SH3GL2: variants seen among roughly 807,000 people sequenced by gnomAD.
SH3GL2 encodes the protein endophilin-A1.
In SH3GL2, 24 loss-of-function variants were observed where a neutral mutation model predicts 46.0. That is an observed-to-expected ratio of 0.52 (90% CI 0.38 to 0.73). The LOEUF is 0.73. Ranked by LOEUF, SH3GL2 falls within the 30% of genes least tolerant of loss-of-function variation. SH3GL2 has a pLI of 0.00. For missense variants in SH3GL2, 413 were observed against 424.2 expected (o/e 0.97, Z 0.23); for synonymous variants, 196 against 147.1 (o/e 1.33, Z -2.40).
chr9:17,645,471 G>A (rs561387080), intron 1 of SH3GL2, among the ~76,000 whole-genome samples: 1 of 152,142 alleles, frequency 6.6e-6, no homozygotes, highest in East Asian at 1.9e-4. Flanking sequence ...TAATGTTGAC[G>A]TTCTTTACAA....
chr9:17,791,979 C>A (rs985000737), intron 7 of SH3GL2, among the ~76,000 whole-genome samples: 1 of 152,224 alleles, frequency 6.6e-6, no homozygotes, highest in Non-Finnish European at 1.5e-5. Context: ...TGGCTATATA[C>A]CAGTGGCCCT....
intron 8 of SH3GL2, among the ~76,000 whole-genome samples, chr9:17,794,172 A>T (rs1385223639): frequency 6.6e-6 from 1 of 152,126 alleles, no homozygotes; most frequent in Non-Finnish European, 1.5e-5. Context: ...ACCTTGTCAC[A>T]CTTGCTCTCC....
At chr9:17,580,056 A>G (rs1357096731) in intron 1 of SH3GL2, among the ~76,000 whole-genome samples, 3 of 152,204 alleles carry the variant, frequency 2.0e-5, no homozygotes, top group Admixed American at 1.3e-4. Flanking sequence ...ATAAGCTGTG[A>G]CTGTAATAAA....
At chr9:17,777,841 A>G (rs1026788201) in intron 3 of SH3GL2, among the ~76,000 whole-genome samples, 2 of 152,054 alleles carry the variant, frequency 1.3e-5, no homozygotes, top group African/African-American at 2.4e-5. Flanking sequence ...TCAGCATATG[A>G]ATTTGGGGAG....
At chr9:17,587,407 G>T (rs1279763206) in intron 1 of SH3GL2, among the ~76,000 whole-genome samples, 1 of 152,104 alleles carries the variant, frequency 6.6e-6, no homozygotes, top group East Asian at 1.9e-4. Flanking sequence ...AAGAACTCTT[G>T]TTCTTTCTTA....
intron 1 of SH3GL2, among the ~76,000 whole-genome samples, chr9:17,715,638 A>G (rs1420348731): frequency 6.6e-6 from 1 of 151,804 alleles, no homozygotes; most frequent in African/African-American, 2.4e-5. Flanking sequence ...CAGACATTGT[A>G]TTTTTTTATG....
chr9:17,582,186 G>A (rs146812561), intron 1 of SH3GL2, among the ~76,000 whole-genome samples: 93 of 152,256 alleles, frequency 6.1e-4, no homozygotes, highest in African/African-American at 2.2e-3. Context: ...TTTTCAATAT[G>A]TTTACAATTT....
intron 1 of SH3GL2, among the ~76,000 whole-genome samples, chr9:17,601,285 C>T (rs545310078): frequency 6.6e-6 from 1 of 151,902 alleles, no homozygotes; most frequent in African/African-American, 2.4e-5. Flanking sequence ...GGACATACAG[C>T]AAGATGGGTG....
chr9:17,614,096 C>T (rs1000565095), intron 1 of SH3GL2, among the ~76,000 whole-genome samples: 2 of 151,876 alleles, frequency 1.3e-5, no homozygotes, highest in Non-Finnish European at 2.9e-5. Flanking sequence ...ATCTTTTCAA[C>T]TTGAGGGGAC....
chr9:17,587,057 C>G (rs969096858), intron 1 of SH3GL2, among the ~76,000 whole-genome samples: 1 of 152,088 alleles, frequency 6.6e-6, no homozygotes, highest in Non-Finnish European at 1.5e-5. Context: ...GGAAAATTAG[C>G]CAGGCTTGGT....
At chr9:17,605,664 A>T (rs1364559332) in intron 1 of SH3GL2, among the ~76,000 whole-genome samples, 4 of 152,118 alleles carry the variant, frequency 2.6e-5, no homozygotes, top group Non-Finnish European at 5.9e-5. Context: ...GTATTATTTA[A>T]ATGTGTTTGT....
At chr9:17,748,064 C>T (rs550111479) in intron 2 of SH3GL2, among the ~76,000 whole-genome samples, 38 of 152,252 alleles carry the variant, frequency 2.5e-4, no homozygotes, top group African/African-American at 8.9e-4. Context: ...GATTATTTAG[C>T]TTTCTGCTTA....
chr9:17,737,824 A>C (rs902370534), intron 1 of SH3GL2, among the ~76,000 whole-genome samples: 2 of 151,290 alleles, frequency 1.3e-5, no homozygotes, highest in East Asian at 3.9e-4. Flanking sequence ...CTGGCAACAC[A>C]CTCTCCTGTG....
intron 1 of SH3GL2, among the ~76,000 whole-genome samples, chr9:17,652,045 G>A (rs184955960): frequency 6.6e-6 from 1 of 151,988 alleles, no homozygotes; most frequent in East Asian, 1.9e-4. Flanking sequence ...TGATTGACTG[G>A]ATTTTTTTTA....
At chr9:17,787,668 A>T (rs1162008410) in intron 5 of SH3GL2, among the ~76,000 whole-genome samples, 155 bp downstream of exon 5, 2 of 151,970 alleles carry the variant, frequency 1.3e-5, no homozygotes, top group Admixed American at 6.6e-5. Context: ...AATGAGAGAA[A>T]CCAGAAATGT....
At chr9:17,784,591 A>G (rs899529341) in intron 3 of SH3GL2, among the ~76,000 whole-genome samples, 1 of 152,102 alleles carries the variant, frequency 6.6e-6, no homozygotes, top group Admixed American at 6.6e-5. Flanking sequence ...ACTTGTTGCC[A>G]CTGTTTATCT....
chr9:17,737,618 C>G (rs1235157438), intron 1 of SH3GL2, among the ~76,000 whole-genome samples: 1 of 152,088 alleles, frequency 6.6e-6, no homozygotes, highest in Admixed American at 6.6e-5. Flanking sequence ...TGCTTATACT[C>G]ATTAGGGAAA....
chr9:17,763,940 AGAAAG>A (rs201517549), intron 3 of SH3GL2, among the ~76,000 whole-genome samples: 4,228 of 152,222 alleles, frequency 0.028, 195 homozygotes, highest in African/African-American at 0.098. Flanking sequence ...AGAGAAATTC[AGAAAG>A]GAAATTGTGG....
At chr9:17,651,905 T>C (rs117607585) in intron 1 of SH3GL2, among the ~76,000 whole-genome samples, 50 of 152,306 alleles carry the variant, frequency 3.3e-4, no homozygotes, top group Non-Finnish European at 5.9e-4. Flanking sequence ...CTTTTACTTA[T>C]GGTGTGAGTC....
Sources: gnomAD v4.1 joint callset for allele counts (sites outside exome capture counted in the v4.1 genomes callset) on GRCh38, gnomAD v4.1.1 for gene constraint, MANE v1.5 for transcripts, NCBI Gene and HGNC (gene_info 2026-07-23, HGNC 2026-07-21) for gene names.